The following CHRM3 variants were observed in gnomAD, a reference collection of about 807,000 sequenced individuals.
CHRM3 encodes the protein muscarinic acetylcholine receptor M3.
In CHRM3, 11 loss-of-function variants were observed where a neutral mutation model predicts 41.8. The ratio of observed to expected loss-of-function variants is 0.26; its 90% CI spans 0.17 to 0.44. The LOEUF (loss-of-function observed/expected upper bound fraction) is 0.44, where lower values mean the gene tolerates loss of function less well. CHRM3 is among the 20% of genes least tolerant of loss of function. The probability of loss-of-function intolerance (pLI) is 1.00; values close to 1 mark genes in which losing one functional copy is unlikely to be tolerated. For synonymous variants in CHRM3, 297 were observed against 301.4 expected (o/e 0.99, Z 0.15); for missense variants, 571 against 745.4 (o/e 0.77, Z 2.72).
chr1:239,859,207 C>T (rs967935855), intron 6 of CHRM3, among the ~76,000 whole-genome samples: 1 of 152,164 alleles, frequency 6.6e-6, no homozygotes, highest in Admixed American at 6.6e-5. Flanking sequence ...TACATTCTCC[C>T]AGCGGTGTAT....
chr1:239,658,364 C>T (rs1443304290), intron 4 of CHRM3, among the ~76,000 whole-genome samples: 1 of 152,188 alleles, frequency 6.6e-6, no homozygotes, highest in Non-Finnish European at 1.5e-5. Flanking sequence ...TATCCTGAGG[C>T]TTCTTTGGAC....
chr1:239,568,964 C>T (rs1452683977), intron 3 of CHRM3, among the ~76,000 whole-genome samples: 5 of 152,152 alleles, frequency 3.3e-5, no homozygotes, highest in African/African-American at 1.2e-4. Flanking sequence ...TCTTTCTAAA[C>T]ATAATCAAGT....
chr1:239,690,209 A>G lies in CHRM3; in HGVS notation c.-147+11921A>G, dbSNP rs369085678. On this transcript the variant is annotated intron_variant, in intron 5 of 6. Transcript: ENST00000676153. ...GAGAGCAAGTTTTTGGAGATATAAT[A>G]CTTGAAATTTCTTTTCATTTATTTT... is the stretch of plus-strand genomic sequence containing the variant. 5.3e-5 allele frequency among the ~76,000 whole-genome samples: 8 copies of G among 152,242 alleles called. No homozygotes were observed. The East Asian group carries it at 1.5e-3, about 29-fold the overall frequency.
At chr1:239,407,026 AG>A (rs144727439) in intron 1 of CHRM3, among the ~76,000 whole-genome samples, 9,502 of 152,230 alleles carry the variant, frequency 0.062, 445 homozygotes, top group Middle Eastern at 0.15. Context: ...ATAGAGAAGA[AG>A]ATCCAGGCAA....
intron 1 of CHRM3, among the ~76,000 whole-genome samples, chr1:239,391,044 G>A (rs1658989562): frequency 6.6e-6 from 1 of 152,094 alleles, no homozygotes; most frequent in African/African-American, 2.4e-5. Context: ...AAGATGCAGT[G>A]GGAAGATAGC....
intron 3 of CHRM3, among the ~76,000 whole-genome samples, chr1:239,599,799 T>G (rs1030940957): frequency 6.6e-6 from 1 of 152,214 alleles, no homozygotes; most frequent in Admixed American, 6.5e-5. Context: ...ATATCTCATG[T>G]AATTTATTGA....
At chr1:239,740,752 A>G (rs1388592136) in intron 5 of CHRM3, among the ~76,000 whole-genome samples, 1 of 152,188 alleles carries the variant, frequency 6.6e-6, no homozygotes, top group African/African-American at 2.4e-5. Flanking sequence ...AATGCAAATC[A>G]AAACCATAAT....
chr1:239,749,020 T>C (rs966419927), intron 5 of CHRM3, among the ~76,000 whole-genome samples: 2 of 152,180 alleles, frequency 1.3e-5, no homozygotes, highest in Non-Finnish European at 2.9e-5. Flanking sequence ...ACCTGGGGTC[T>C]GAGCCGTACG....
chr1:239,416,095 G>A (rs1395697317), intron 1 of CHRM3, among the ~76,000 whole-genome samples: 2 of 152,120 alleles, frequency 1.3e-5, no homozygotes, highest in African/African-American at 4.8e-5. Flanking sequence ...AGCCAAATTT[G>A]ATCTGGATTT....
chr1:239,692,791 A>G (rs988976914), intron 5 of CHRM3, among the ~76,000 whole-genome samples: 8 of 152,202 alleles, frequency 5.3e-5, no homozygotes, highest in Admixed American at 2.6e-4. Context: ...ACACTGGAGT[A>G]AGGGAACAGT....
At chr1:239,864,095 C>T (rs80323839) in intron 6 of CHRM3, among the ~76,000 whole-genome samples, 2 of 143,260 alleles carry the variant, frequency 1.4e-5, no homozygotes, top group African/African-American at 2.6e-5. Context: ...AAAAAAAAAA[C>T]TCAGTTGGGT....
chr1:239,523,531 T>C (rs1669791685), intron 2 of CHRM3, among the ~76,000 whole-genome samples: 2 of 152,218 alleles, frequency 1.3e-5, no homozygotes, highest in African/African-American at 4.8e-5. Flanking sequence ...AAATGAAATC[T>C]GAATCCATTG....
intron 2 of CHRM3, among the ~76,000 whole-genome samples, chr1:239,537,778 T>G (rs893420755): frequency 1.3e-5 from 2 of 152,232 alleles, no homozygotes; most frequent in Non-Finnish European, 2.9e-5. Flanking sequence ...GTGGTTACAC[T>G]GAGTTCTGCA....
chr1:239,765,351 A>G (rs1203679551), intron 5 of CHRM3, among the ~76,000 whole-genome samples: 1 of 152,180 alleles, frequency 6.6e-6, no homozygotes, highest in Non-Finnish European at 1.5e-5. Flanking sequence ...CTTGCCTGCT[A>G]CTTACGCACT....
At chr1:239,775,779 A>G (rs181148629) in intron 5 of CHRM3, among the ~76,000 whole-genome samples, 1 of 152,318 alleles carries the variant, frequency 6.6e-6, no homozygotes, top group African/African-American at 2.4e-5. Flanking sequence ...ACAGACTGTC[A>G]TAGGCCAGGA....
At chr1:239,559,530 C>T (rs1270505982) in intron 3 of CHRM3, among the ~76,000 whole-genome samples, 1 of 152,110 alleles carries the variant, frequency 6.6e-6, no homozygotes. Context: ...TTCGGAGGGG[C>T]TAATTTTTAA....
chr1:239,848,217 A>C (rs1363962952), intron 6 of CHRM3, among the ~76,000 whole-genome samples: 1 of 152,194 alleles, frequency 6.6e-6, no homozygotes, highest in African/African-American at 2.4e-5. Flanking sequence ...TAAGGAGAAA[A>C]TCACTACCCA....
At chr1:239,408,406 C>T (rs1485848219) in intron 1 of CHRM3, among the ~76,000 whole-genome samples, 1 of 151,682 alleles carries the variant, frequency 6.6e-6, no homozygotes, top group African/African-American at 2.4e-5. Flanking sequence ...CGCCTTTAGT[C>T]CCAGCTGCTG....
Position 239,400,057 on chromosome 1 carries a change from G to A in CHRM3, c.-521+12830G>A, listed in dbSNP as rs561170828. Among the ~76,000 whole-genome samples the A allele has an allele frequency of 2.0e-5, 3 of 152,172 alleles. No homozygotes were observed. The East Asian group carries it at 5.8e-4, about 29-fold the overall frequency. ...CTCCCAAGTAGCTGGGATTACAGGT[G>A]CCTGCCACCATGCCTGGCTAATTTT... On this transcript the variant is annotated intron_variant, in intron 1 of 6. Transcript: ENST00000676153.
Sources: gnomAD v4.1 joint callset for allele counts (sites outside exome capture counted in the v4.1 genomes callset) on GRCh38, gnomAD v4.1.1 for gene constraint, MANE v1.5 for transcripts, NCBI Gene and HGNC (gene_info 2026-07-23, HGNC 2026-07-21) for gene names.